The following ROGDI variants were observed in gnomAD, a reference collection of about 807,000 sequenced individuals.
ROGDI encodes the protein protein rogdi homolog.
In ROGDI, 46 loss-of-function variants were observed where a neutral mutation model predicts 43.1. That is an observed-to-expected ratio of 1.07 (90% confidence interval 0.84 to 1.37). The LOEUF (loss-of-function observed/expected upper bound fraction) is 1.37, where lower values mean the gene tolerates loss of function less well. ROGDI is among the 40% of genes most tolerant of loss of function. The pLI is 0.00. For missense variants in ROGDI, 518 were observed against 383.9 expected (o/e 1.35, Z -2.92); for synonymous variants, 243 against 162.0 (o/e 1.50, Z -3.80).
rs981647593 is a variant in ROGDI, at chr16:4,801,409, C to T, written c.201-88G>A. On this transcript the variant is annotated intron_variant, in intron 3 of 10. Transcript: ENST00000322048. ...CGGCGGGCTGCCCCTCCTGTCCCATCGCACAACCAGCTGGTCTGCAGGACA... is the reference window on the plus strand; with the variant it reads ...CGGCGGGCTGCCCCTCCTGTCCCATTGCACAACCAGCTGGTCTGCAGGACA... The T allele has an allele frequency of 5.8e-6, 9 of 1,557,448 alleles. No homozygotes were observed. The African/African-American group carries it at 8.1e-5, about 14-fold the overall frequency.
In ROGDI at chr16:4,801,647, T is replaced by C. The variant is rs969662340; in HGVS notation, c.118-62A>G. The stretch of plus-strand genomic sequence containing the variant: ...CCACTCAGGCCCGGCCCAGTGCTCC[T>C]TCCAGAAGCCCCCCTCCCTCCAAGT... On this transcript the variant is annotated intron_variant, in intron 2 of 10. Transcript: ENST00000322048. 7.6e-6 allele frequency: 11 copies of C among 1,439,582 alleles called. No individual in the cohort carries two copies. In the African/African-American group the frequency reaches 1.1e-4, roughly 15 times the overall value. 89.2% of individuals were successfully genotyped at this position (1,439,582 alleles called of 1,614,324 possible).
At chr16:4,801,781 TACC>T (rs2082726078) in intron 2 of ROGDI, 196 bp from the exon 3 acceptor site, 1 of 608,068 alleles carries the variant, frequency 1.6e-6, no homozygotes. Flanking sequence ...TCTCTGCTTA[TACC>T]ACATTCCCTG....
At chr16:4,801,089 C>A in intron 4 of ROGDI, 178 bp downstream of exon 4, 1 of 568,378 alleles carries the variant, frequency 1.8e-6, no homozygotes, top group South Asian at 2.5e-5. Flanking sequence ...CTTACTGAAT[C>A]TGCACACCGA....
chr16:4,799,471 G>A (rs549939086), intron 6 of ROGDI, among the ~76,000 whole-genome samples: 35 of 152,204 alleles, frequency 2.3e-4, no homozygotes, highest in African/African-American at 7.5e-4. Flanking sequence ...TGTGTGCCGA[G>A]TGCTTACTGG....
intron 7 of ROGDI, 44 bp from the exon 8 acceptor site, chr16:4,798,228 C>A: frequency 6.6e-7 from 1 of 1,520,658 alleles, no homozygotes; most frequent in Non-Finnish European, 9.1e-7. Flanking sequence ...GCCCCCAGCC[C>A]AGGCTGGATG....
At chr16:4,798,022 C>A (rs1336151558) in intron 8 of ROGDI, 35 bp from the exon 9 acceptor site, 2 of 1,613,500 alleles carry the variant, frequency 1.2e-6, no homozygotes, top group South Asian at 2.2e-5. Context: ...TCAGGCCTTG[C>A]AGGGCGTGTG....
At position 4,802,464 on chromosome 16, in the gene ROGDI, G is replaced by A. The variant is rs368078091; in HGVS notation, c.46-11C>T. 14 of 1,265,776 alleles carry A rather than the reference G, an allele frequency of 1.1e-5. No homozygotes were observed. The African/African-American group carries it at 1.4e-4, about 13-fold the overall frequency. 78.4% of individuals were successfully genotyped at this position (1,265,776 alleles called of 1,614,324 possible). A position where few individuals can be genotyped will look rare whatever the true frequency, so the allele number is the denominator to read the frequency against. ...GCGGAACTCCTCCTCCTGCGGGACA[G>A]ACCCGGCGGTCGCGCCCGGCCCCGC... On this transcript the variant is annotated splice_polypyrimidine_tract_variant and intron_variant, in intron 1 of 10. Transcript: ENST00000322048.
At chr16:4,798,293 CAG>C in intron 7 of ROGDI, 109 bp from the exon 8 acceptor site, 2 of 909,676 alleles carry the variant, frequency 2.2e-6, no homozygotes, top group Non-Finnish European at 3.5e-6. Flanking sequence ...GTCCCCACCC[CAG>C]AGATGCTCTT....
intron 6 of ROGDI, among the ~76,000 whole-genome samples, chr16:4,798,981 G>C (rs1341327953): frequency 6.6e-6 from 1 of 152,140 alleles, no homozygotes; most frequent in Admixed American, 6.5e-5. Context: ...AGGGGTACAG[G>C]CAACAAAGGT....
Position 4,802,431 on chromosome 16 carries a change from A to G in ROGDI, c.68T>C (p.Leu23Pro), listed in dbSNP as rs1334307149. Reference protein sequence around the residue: ...AVLEEEFRWLLHDEVHAVLKQ... With the variant: ...AVLEEEFRWLPHDEVHAVLKQ... ...CAACACAGCGTGCACCTCGTCGTGC[A>G]GCAGCCAGCGGAACTCCTCCTCCTG... Residue 23 changes from leucine to proline, a missense_variant, in exon 2 of 11, where the codon CTG (leucine) becomes CCG (proline). Transcript: ENST00000322048. The G allele has an allele frequency of 4.0e-6, 6 of 1,483,132 alleles. No homozygotes were observed. Among genetic ancestry groups the G allele is most frequent in the Middle Eastern group, 1.9e-4 (1 of 5,240 alleles). 91.9% of individuals were successfully genotyped at this position (1,483,132 alleles called of 1,614,324 possible).
chr16:4,799,014 G>A (rs139277813), intron 6 of ROGDI, among the ~76,000 whole-genome samples: 140 of 152,282 alleles, frequency 9.2e-4, no homozygotes, highest in African/African-American at 3.3e-3. Context: ...GCCAGAGAGG[G>A]CTTCCTGGAA....
At chr16:4,802,219 T>C (rs980251122) in intron 2 of ROGDI, 163 bp downstream of exon 2, 20 of 692,876 alleles carry the variant, frequency 2.9e-5, no homozygotes, top group Non-Finnish European at 4.8e-5. Context: ...CAGGTACTTA[T>C]ATAATGAGGT....
chr16:4,799,774 T>C lies in ROGDI; in HGVS notation c.344A>G (p.Asp115Gly), dbSNP rs771509465. 62 of 1,613,138 alleles carry C rather than the reference T, an allele frequency of 3.8e-5. No homozygotes were observed. Among genetic ancestry groups the C allele is most frequent in the Admixed American group, 2.5e-4 (15 of 59,926 alleles). The change falls in exon 6 of 11, where the codon GAT (aspartate) becomes GGT (glycine). Residue 115 changes from aspartate to glycine, a missense_variant. Asp to Gly is a moderately conservative substitution (Grantham distance 94). Transcript: ENST00000322048. ...DKQWKLQQIQDARNHVSQAIY... is the reference protein window; with the variant it reads ...DKQWKLQQIQGARNHVSQAIY... ...GGCTTGGCTCACATGGTTTCTGGCA[T>C]CCTGGATCTGGAAGCAGGGGTCATC...
chr16:4,797,499 G>T lies in ROGDI; in HGVS notation c.825C>A (p.Ile275=), dbSNP rs752311951. The T allele has an allele frequency of 5.0e-6, 8 of 1,608,256 alleles. No homozygotes were observed. The African/African-American group carries it at 1.1e-4, about 22-fold the overall frequency. The change falls in exon 11 of 11, where the codon ATC becomes ATA. Residue 275 remains isoleucine (I), a splice_region_variant and synonymous_variant. Coordinates refer to ENST00000322048, the MANE Select transcript of ROGDI (RefSeq NM_024589.3). ...AGCTCCAGTAGCTGGAGAACACGGAGATCTGCAAGGGGAGAGGGTGCTGTA... is the reference window on the plus strand; with the variant it reads ...AGCTCCAGTAGCTGGAGAACACGGATATCTGCAAGGGGAGAGGGTGCTGTA... ...LQLCQQLKDK[I]SVFSSYWSYR...
In ROGDI at chr16:4,797,349, TG is replaced by T; in HGVS notation, c.*110del. ...CAAATGTGTTAGGTGGGGTAGGGGG[TG>T]GGATAGGGAGATAAATAGCAGCCTG... is the stretch of plus-strand genomic sequence containing the variant. On this transcript the variant is annotated 3_prime_UTR_variant, in exon 11 of 11. Transcript: ENST00000322048. 1 of 882,712 alleles carries T rather than the reference TG, an allele frequency of 1.1e-6. No individual in the cohort carries two copies. Among genetic ancestry groups the T allele is most frequent in the Non-Finnish European group, 1.7e-6 (1 of 571,620 alleles). The allele number at this position is 882,712 out of a possible 1,614,324, so 54.7% of individuals were successfully genotyped here.
intron 6 of ROGDI, among the ~76,000 whole-genome samples, chr16:4,799,184 A>G (rs945986092): frequency 1.3e-5 from 2 of 152,132 alleles, no homozygotes; most frequent in African/African-American, 4.8e-5. Flanking sequence ...AGCCGTGGCC[A>G]TGAGTACCAG....
intron 7 of ROGDI, 97 bp from the exon 8 acceptor site, chr16:4,798,281 C>A (rs965278804): frequency 1.0e-6 from 1 of 995,622 alleles, no homozygotes; most frequent in African/African-American, 1.6e-5. Flanking sequence ...CAGGGGATCC[C>A]AGTCCCCACC....
chr16:4,801,156 G>C (rs183462286), intron 4 of ROGDI, 111 bp downstream of exon 4: 15 of 845,886 alleles, frequency 1.8e-5, no homozygotes, highest in African/African-American at 1.7e-4. Context: ...ACTGAGGCCA[G>C]AGAGATCAAG....
At chr16:4,798,521 C>T in intron 7 of ROGDI, 48 bp downstream of exon 7, 1 of 1,418,448 alleles carries the variant, frequency 7.0e-7, no homozygotes, top group South Asian at 1.3e-5. Flanking sequence ...AAGCTGGGAC[C>T]CACTGTGGGA....
Sources: allele counts gnomAD v4.1 joint callset (sites outside exome capture counted in the v4.1 genomes callset), GRCh38; gene constraint gnomAD v4.1.1; transcripts MANE v1.5; gene names NCBI Gene and HGNC (gene_info 2026-07-23, HGNC 2026-07-21).